The following E2F3 variants were observed in gnomAD, a reference collection of about 807,000 sequenced individuals.
E2F3 encodes transcription factor E2F3.
A neutral mutation model predicts 44.4 loss-of-function variants in E2F3; 11 were observed. That is an observed-to-expected ratio of 0.25 (90% confidence interval 0.16 to 0.41). The LOEUF (loss-of-function observed/expected upper bound fraction) is 0.41. E2F3 is among the 10% of genes least tolerant of loss of function. The pLI is 1.00. For synonymous variants in E2F3, 249 were observed against 253.0 expected (o/e 0.98, Z 0.15); for missense variants, 487 against 583.6 (o/e 0.83, Z 1.70).
chr6:20,482,602 AT>A (rs869067464), intron 3 of E2F3, among the ~76,000 whole-genome samples, 159 bp from the exon 4 acceptor site: 1,276 of 108,022 alleles, frequency 0.012, 11 homozygotes, highest in African/African-American at 0.038. Flanking sequence ...AAAAAAAAAT[AT>A]ATATATATAT....
In E2F3 at chr6:20,481,191, T is replaced by C. The variant is rs1451918587; in HGVS notation, c.506-15T>C. The C allele has an allele frequency of 2.5e-6, 4 of 1,612,838 alleles. No homozygotes were observed. The highest frequency in any genetic ancestry group is 2.7e-5 in the African/African-American group (2 of 74,874). ...CCCCTATCCCCCACCCGCTCGGTTTTTGTTTTTCTTTAAGCTCCAAAATCT... is the reference window on the plus strand; with the variant it reads ...CCCCTATCCCCCACCCGCTCGGTTTCTGTTTTTCTTTAAGCTCCAAAATCT... On this transcript the variant is annotated splice_polypyrimidine_tract_variant and intron_variant, in intron 2 of 6. Coordinates refer to ENST00000346618, the MANE Select transcript of E2F3 (RefSeq NM_001949.5).
intron 1 of E2F3, among the ~76,000 whole-genome samples, chr6:20,448,692 A>ATG (rs1248288520): frequency 6.6e-6 from 1 of 152,156 alleles, no homozygotes; most frequent in Non-Finnish European, 1.5e-5. Context: ...GGAGAAGAGT[A>ATG]TGTTGTATTT....
rs1273116053 is a variant in E2F3 at position 20,436,233 on chromosome 6, G to A, written c.393+33608G>A. Among the ~76,000 whole-genome samples the A allele has an allele frequency of 4.6e-5, 7 of 152,142 alleles. No individual in the cohort carries two copies. The East Asian group carries it at 9.7e-4, about 21-fold the overall frequency. ...TGACCTCAGGTGATCCACCTGCCTCGGCCTCCCAAAGTGCTGGGACTATAG... is the reference window on the plus strand; with the variant it reads ...TGACCTCAGGTGATCCACCTGCCTCAGCCTCCCAAAGTGCTGGGACTATAG... On this transcript the variant is annotated intron_variant, in intron 1 of 6. Coordinates refer to ENST00000346618, the MANE Select transcript of E2F3 (RefSeq NM_001949.5).
Position 20,402,113 on chromosome 6 carries a change from G to A in E2F3, c.-120G>A. The A allele has an allele frequency of 7.1e-7, 1 of 1,416,200 alleles. No individual in the cohort carries two copies. Among genetic ancestry groups the A allele is most frequent in the Non-Finnish European group, 9.2e-7 (1 of 1,090,350 alleles). 87.7% of individuals were successfully genotyped at this position (1,416,200 alleles called of 1,614,324 possible). ...AAAAGAAAAGAGAGAGAGGGGGCTC[G>A]GAAGCGCCGGGCGGGGAGGAGAGAA... On this transcript the variant is annotated 5_prime_UTR_variant, in exon 1 of 7. Transcript: ENST00000346618. The surrounding 1 kb of genome is among the most constrained non-coding windows in gnomAD (Gnocchi z 5.6).
At chr6:20,456,111 C>G (rs1761301208) in intron 1 of E2F3, among the ~76,000 whole-genome samples, 1 of 151,962 alleles carries the variant, frequency 6.6e-6, no homozygotes, top group African/African-American at 2.4e-5. Flanking sequence ...TCCGGTGGGT[C>G]TTACCCAGAG....
At chr6:20,474,659 G>A (rs1157161385) in intron 1 of E2F3, among the ~76,000 whole-genome samples, 2 of 152,214 alleles carry the variant, frequency 1.3e-5, no homozygotes, top group East Asian at 1.9e-4. Context: ...TGTAGACAGA[G>A]CTCACCCGCA....
chr6:20,419,253 A>G (rs1759945935), intron 1 of E2F3, among the ~76,000 whole-genome samples: 1 of 152,196 alleles, frequency 6.6e-6, no homozygotes. Flanking sequence ...AACTATTGCT[A>G]TTATGAACAG....
Position 20,486,754 on chromosome 6 carries a change from T to C in E2F3, c.950T>C (p.Val317Ala). Residue 317 changes from valine to alanine, a missense_variant, in exon 5 of 7, where the codon GTT (valine) becomes GCT (alanine). By Grantham distance (64) the Val-to-Ala change is moderately conservative. Around this residue, in one of 3 missense-constraint regions of E2F3, gnomAD observed 220 missense variants for 261.7 expected, o/e 0.84. Transcript: ENST00000346618. ...GGCCTTAAAGACCAAACTGTTATAGTTGTGAAAGCCCCTCCAGAAACAAGA... is the reference window on the plus strand; with the variant it reads ...GGCCTTAAAGACCAAACTGTTATAGCTGTGAAAGCCCCTCCAGAAACAAGA... ...ISGLKDQTVI[V>A]VKAPPETRLE... is the part of the protein sequence containing the mutation. 6.2e-7 allele frequency: 1 copy of C among 1,613,768 alleles called. No homozygotes were observed. Among genetic ancestry groups the C allele is most frequent in the African/African-American group, 1.3e-5 (1 of 75,014 alleles).
At chr6:20,451,130 G>T (rs1011181703) in intron 1 of E2F3, among the ~76,000 whole-genome samples, 8 of 152,116 alleles carry the variant, frequency 5.3e-5, no homozygotes, top group African/African-American at 1.9e-4. Flanking sequence ...GGTTCCATAT[G>T]AATTTTAAAA....
At chr6:20,418,070 T>G (rs1759905409) in intron 1 of E2F3, among the ~76,000 whole-genome samples, 1 of 152,206 alleles carries the variant, frequency 6.6e-6, no homozygotes, top group Non-Finnish European at 1.5e-5. Flanking sequence ...TCCCTTGACT[T>G]TTCACTGCTC....
intron 1 of E2F3, among the ~76,000 whole-genome samples, chr6:20,403,094 G>A (rs1759365208): frequency 6.6e-6 from 1 of 152,076 alleles, no homozygotes; most frequent in Non-Finnish European, 1.5e-5. Flanking sequence ...CGGCCTTGGA[G>A]GCTCGTTGGC....
At position 20,481,251 on chromosome 6, in the gene E2F3, G is replaced by T; in HGVS notation, c.551G>T (p.Gly184Val). ...SEKTRYDTSL[G>V]LLTKKFIQLL... ...AAAACGCGGTATGATACGTCTCTTG[G>T]TCTGCTCACCAAGAAGTTCATTCAG... Residue 184 changes from glycine to valine, a missense_variant, in exon 3 of 7, where the codon GGT (glycine) becomes GTT (valine). Coordinates refer to ENST00000346618, the MANE Select transcript of E2F3 (RefSeq NM_001949.5). 6.2e-7 allele frequency: 1 copy of T among 1,614,076 alleles called. No homozygotes were observed. Among genetic ancestry groups the T allele is most frequent in the Non-Finnish European group, 8.5e-7 (1 of 1,180,026 alleles).
In E2F3 at chr6:20,402,891, C is replaced by G. The variant is rs1478694854; in HGVS notation, c.393+266C>G. On this transcript the variant is annotated intron_variant, in intron 1 of 6. Transcript: ENST00000346618. The surrounding 1 kb of genome is among the most constrained non-coding windows in gnomAD (Gnocchi z 5.6). The stretch of plus-strand genomic sequence containing the variant: ...CAAACACTCCAAAACTTTTCGCGGC[C>G]CCCCCTTCTTTTCCTGCACTTTTCC... 6.6e-6 allele frequency among the ~76,000 whole-genome samples: 1 copy of G among 152,136 alleles called. No homozygotes were observed. Among genetic ancestry groups the G allele is most frequent in the Non-Finnish European group, 1.5e-5 (1 of 68,020 alleles).
At chr6:20,449,539 G>A (rs1399362068) in intron 1 of E2F3, among the ~76,000 whole-genome samples, 1 of 152,082 alleles carries the variant, frequency 6.6e-6, no homozygotes, top group Non-Finnish European at 1.5e-5. Context: ...TATCTGTAGG[G>A]TAATTTCCTA....
intron 1 of E2F3, among the ~76,000 whole-genome samples, chr6:20,475,563 C>A (rs2127617504): frequency 6.6e-6 from 1 of 152,286 alleles, no homozygotes; most frequent in South Asian, 2.1e-4. Context: ...GTCATCCAGG[C>A]TGGATTGCGG....
chr6:20,445,671 C>T (rs754199262), intron 1 of E2F3, among the ~76,000 whole-genome samples: 14 of 152,142 alleles, frequency 9.2e-5, no homozygotes, highest in Non-Finnish European at 1.0e-4. Context: ...TAAGTCTTCA[C>T]TCCATAGGTT....
intron 1 of E2F3, among the ~76,000 whole-genome samples, chr6:20,447,339 TGAGA>T (rs140836992): frequency 6.7e-6 from 1 of 149,896 alleles, no homozygotes; most frequent in Non-Finnish European, 1.5e-5. Flanking sequence ...TGTGTGTGTA[TGAGA>T]GAGAGAGAGA....
At position 20,491,788 on chromosome 6, in the gene E2F3, G is replaced by A. The variant is rs1215098685; in HGVS notation, c.*1358G>A. Reference sequence around the variant, plus strand: ...TTCCCCTTCCTCTATGAAGGAATAAGTTGGACCAAGGGAAGTCGGGGACGT... The same window carrying A: ...TTCCCCTTCCTCTATGAAGGAATAAATTGGACCAAGGGAAGTCGGGGACGT... On this transcript the variant is annotated 3_prime_UTR_variant, in exon 7 of 7. Transcript: ENST00000346618. 1 of 180,420 alleles carries A rather than the reference G, an allele frequency of 5.5e-6. No individual in the cohort carries two copies. The highest frequency in any genetic ancestry group is 1.2e-5 in the Non-Finnish European group (1 of 84,054). 11.2% of individuals were successfully genotyped at this position (180,420 alleles called of 1,614,324 possible).
chr6:20,464,402 A>G (rs569614267), intron 1 of E2F3, among the ~76,000 whole-genome samples: 11 of 152,318 alleles, frequency 7.2e-5, no homozygotes, highest in African/African-American at 2.4e-4. Flanking sequence ...GGTAGGTAGC[A>G]TGATCTCTTA....
Sources: gnomAD v4.1 joint callset for allele counts (sites outside exome capture counted in the v4.1 genomes callset) on GRCh38, gnomAD v4.1.1 for gene constraint, gnomAD v4.1.1 regional missense constraint, Gnocchi (gnomAD v3.1) non-coding constraint, MANE v1.5 for transcripts, NCBI Gene and HGNC (gene_info 2026-07-23, HGNC 2026-07-21) for gene names.